The following SEMA4D variants were observed in gnomAD, a reference collection of about 807,000 sequenced individuals.
SEMA4D encodes the protein semaphorin-4D.
Under a neutral mutation model 74.8 loss-of-function variants are expected in SEMA4D, and 22 were observed. The ratio of observed to expected loss-of-function variants is 0.29; its 90% CI spans 0.21 to 0.42. The LOEUF is 0.42. SEMA4D is among the 10% of genes least tolerant of loss of function. The pLI is 1.00. For missense variants in SEMA4D, 937 were observed against 1,118.4 expected, an observed-to-expected ratio of 0.84 and a Z score of 2.31; for synonymous variants, 445 against 463.7, an observed-to-expected ratio of 0.96 and a Z score of 0.52.
intron 16 of SEMA4D, among the ~76,000 whole-genome samples, chr9:89,371,888 T>G (rs1247194242): frequency 4.9e-5 from 2 of 41,186 alleles, no homozygotes; most frequent in Non-Finnish European, 9.4e-5. Context: ...ATGTGTGTGG[T>G]GTCTGGGGTG....
At chr9:89,367,222 A>C (rs1195553888) in intron 16 of SEMA4D, 1 of 152,566 alleles carries the variant, frequency 6.6e-6, no homozygotes, top group Non-Finnish European at 1.5e-5. Flanking sequence ...CCCCATCAGC[A>C]CCGCACCCTC....
At chr9:89,489,395 T>C (rs1465612064) in intron 1 of SEMA4D, among the ~76,000 whole-genome samples, 1 of 152,236 alleles carries the variant, frequency 6.6e-6, no homozygotes, top group Non-Finnish European at 1.5e-5. Context: ...TTTTAAAGCG[T>C]ATAATCCAGT....
intron 2 of SEMA4D, among the ~76,000 whole-genome samples, chr9:89,410,310 C>T (rs1844251180): frequency 6.6e-6 from 1 of 152,162 alleles, no homozygotes; most frequent in Non-Finnish European, 1.5e-5. Context: ...GAGTATTTTA[C>T]CTTTTTAAAT....
intron 1 of SEMA4D, among the ~76,000 whole-genome samples, chr9:89,487,358 TCAA>T (rs1284251858): frequency 6.6e-6 from 1 of 151,976 alleles, no homozygotes; most frequent in African/African-American, 2.4e-5. Flanking sequence ...ATAAAAGCTC[TCAA>T]CAAATTAAAA....
intron 2 of SEMA4D, among the ~76,000 whole-genome samples, chr9:89,423,939 TACTCCCTCAGCACCTCC>T (rs1486540102): frequency 5.5e-4 from 70 of 127,754 alleles, no homozygotes; most frequent in Middle Eastern, 5.2e-3. Flanking sequence ...TTCCCTCAGC[TACTCCCTCAGCACCTCC>T]ACTCCCTCAG....
chr9:89,450,848 C>A, intron 2 of SEMA4D: 1 of 593,178 alleles, frequency 1.7e-6, no homozygotes, highest in Non-Finnish European at 2.9e-6. Context: ...CCACCTAGGA[C>A]TGCCAGCAGA....
At chr9:89,385,663 G>A in intron 13 of SEMA4D, 1 of 750,684 alleles carries the variant, frequency 1.3e-6, no homozygotes, top group Non-Finnish European at 1.6e-6. Context: ...GAGGGAAGAG[G>A]ACAGAAGACC....
intron 2 of SEMA4D, among the ~76,000 whole-genome samples, chr9:89,435,563 C>T (rs1413112243): frequency 6.6e-6 from 1 of 152,154 alleles, no homozygotes; most frequent in African/African-American, 2.4e-5. Context: ...TTTCACACAC[C>T]TGGACCATAC....
intron 13 of SEMA4D, among the ~76,000 whole-genome samples, chr9:89,383,266 A>T (rs951350942): frequency 6.6e-5 from 10 of 151,468 alleles, no homozygotes; most frequent in African/African-American, 2.4e-4. Flanking sequence ...GGTGGGGCTC[A>T]CTCTCCCCCA....
chr9:89,415,937 G>A (rs892543149), intron 2 of SEMA4D, among the ~76,000 whole-genome samples: 1 of 152,144 alleles, frequency 6.6e-6, no homozygotes, highest in African/African-American at 2.4e-5. Flanking sequence ...AGCTTGGCTT[G>A]CAGGGAGGGC....
chr9:89,445,416 T>C (rs1173292150), intron 2 of SEMA4D, among the ~76,000 whole-genome samples: 1 of 152,226 alleles, frequency 6.6e-6, no homozygotes, highest in Non-Finnish European at 1.5e-5. Context: ...CTCACAGTTC[T>C]GCAGGACAGA....
At chr9:89,446,452 C>A (rs1852876208) in intron 2 of SEMA4D, among the ~76,000 whole-genome samples, 1 of 152,210 alleles carries the variant, frequency 6.6e-6, no homozygotes, top group Non-Finnish European at 1.5e-5. Flanking sequence ...CTGAGACTGA[C>A]TGAGTGGCTC....
chr9:89,378,389 G>A lies in SEMA4D; in HGVS notation c.*315C>T. On this transcript the variant is annotated 3_prime_UTR_variant, in exon 16 of 16. Transcript: ENST00000422704. ...GGGATGCTCTTCTCAGCCAACAGAGGTCCAGCCACCTTTCCCCCACTACAG... is the reference window on the plus strand; with the variant it reads ...GGGATGCTCTTCTCAGCCAACAGAGATCCAGCCACCTTTCCCCCACTACAG... The A allele has an allele frequency of 3.5e-6, 1 of 287,572 alleles. No individual in the cohort carries two copies. Among genetic ancestry groups the A allele is most frequent in the Non-Finnish European group, 6.6e-6 (1 of 152,258 alleles). The allele number at this position is 287,572 out of a possible 1,614,324, so 17.8% of individuals were successfully genotyped here. A position where few individuals can be genotyped will look rare whatever the true frequency, so the allele number is the denominator to read the frequency against.
chr9:89,371,414 G>A (rs1834729504), intron 16 of SEMA4D, among the ~76,000 whole-genome samples: 2 of 123,352 alleles, frequency 1.6e-5, no homozygotes, highest in South Asian at 3.0e-4. Context: ...TCTGGGGTGT[G>A]GTGTGTGTCT....
intron 1 of SEMA4D, among the ~76,000 whole-genome samples, chr9:89,480,663 G>A (rs1356326873): frequency 6.6e-6 from 1 of 152,242 alleles, no homozygotes; most frequent in African/African-American, 2.4e-5. Flanking sequence ...TGGCCCGGGT[G>A]CTAAGTCCCC....
At chr9:89,371,941 GGT>G (rs1834997265) in intron 16 of SEMA4D, among the ~76,000 whole-genome samples, 1 of 142,548 alleles carries the variant, frequency 7.0e-6, no homozygotes, top group African/African-American at 2.7e-5. Flanking sequence ...TGTGGGGTGT[GGT>G]GTGTGTGGGG....
intron 1 of SEMA4D, chr9:89,479,924 T>C (rs1862782567): frequency 6.6e-6 from 1 of 152,278 alleles, no homozygotes; most frequent in African/African-American, 2.4e-5. Context: ...TTTATTCTCT[T>C]ATCTGGCCCC....
chr9:89,363,452 A>G (rs766979797), exon 18 of SEMA4D: 4 of 1,613,792 alleles, frequency 2.5e-6, no homozygotes, highest in South Asian at 1.1e-5. Flanking sequence ...CCAGCTCTGC[A>G]TCATCCGGTC....
In SEMA4D at chr9:89,405,656, T is replaced by G; in HGVS notation, c.-200A>C. On this transcript the variant is annotated 5_prime_UTR_variant, in exon 3 of 16. Transcript: ENST00000422704. The stretch of plus-strand genomic sequence containing the variant: ...GGAGGGGTCGCTCTCACCACCGCAA[T>G]GTCAAAGCCCACTTGATACTTCTTC... The G allele has an allele frequency of 7.0e-7, 1 of 1,420,264 alleles. No individual in the cohort carries two copies. The highest frequency in any genetic ancestry group is 1.6e-5 in the South Asian group (1 of 64,222). The allele number at this position is 1,420,264 out of a possible 1,614,324, so 88.0% of individuals were successfully genotyped here.
Sources: allele counts gnomAD v4.1 joint callset (sites outside exome capture counted in the v4.1 genomes callset), GRCh38; gene constraint gnomAD v4.1.1; transcripts MANE v1.5; gene names NCBI Gene and HGNC (gene_info 2026-07-23, HGNC 2026-07-21).